Variants in GSK3B observed in about 807,000 individuals in gnomAD.
GSK3B encodes glycogen synthase kinase-3 beta.
In GSK3B, 15 loss-of-function variants were observed where a neutral mutation model predicts 56.4. The ratio of observed to expected loss-of-function variants is 0.27; its 90% CI spans 0.18 to 0.41. GSK3B has a LOEUF of 0.41. Among genes scored for constraint, GSK3B ranks in the 10% least tolerant of loss-of-function variants. GSK3B has a pLI of 1.00. For missense variants in GSK3B, 300 were observed against 513.4 expected (o/e 0.58, Z 4.02); for synonymous variants, 181 against 188.9 (o/e 0.96, Z 0.34).
chr3:119,876,355 T>G, intron 8 of GSK3B, 58 bp downstream of exon 8: 17 of 895,760 alleles, frequency 1.9e-5, no homozygotes, highest in Non-Finnish European at 3.0e-5. Flanking sequence ...TTAAGAACAA[T>G]GAGAAACCTG....
At chr3:120,036,792 CAAAAAAAAAAAA>C (rs560163237) in intron 1 of GSK3B, among the ~76,000 whole-genome samples, 1 of 64,336 alleles carries the variant, frequency 1.6e-5, no homozygotes, top group Non-Finnish European at 3.1e-5. Flanking sequence ...GACTCCGACT[CAAAAAAAAAAAA>C]AAAAAAAAAG....
chr3:119,860,306 G>A (rs2056085169), intron 9 of GSK3B, among the ~76,000 whole-genome samples: 1 of 152,128 alleles, frequency 6.6e-6, no homozygotes, highest in Non-Finnish European at 1.5e-5. Flanking sequence ...CTAATGACAG[G>A]AAGAAATAGA....
intron 1 of GSK3B, among the ~76,000 whole-genome samples, chr3:120,085,631 C>T (rs940948275): frequency 6.6e-6 from 1 of 152,190 alleles, no homozygotes. Flanking sequence ...GAAACCCCAT[C>T]TCTACTACAA....
At chr3:119,949,905 G>C (rs1428816047) in intron 2 of GSK3B, among the ~76,000 whole-genome samples, 1 of 150,036 alleles carries the variant, frequency 6.7e-6, no homozygotes, top group African/African-American at 2.5e-5. Context: ...AACCTATTAA[G>C]TTTTTATCTA....
intron 9 of GSK3B, among the ~76,000 whole-genome samples, chr3:119,852,215 A>T (rs2055939538): frequency 6.6e-6 from 1 of 152,218 alleles, no homozygotes; most frequent in Non-Finnish European, 1.5e-5. Context: ...CTTCCAATTT[A>T]TACCACTCAC....
intron 8 of GSK3B, among the ~76,000 whole-genome samples, chr3:119,870,435 T>A (rs1577328076): frequency 6.6e-6 from 1 of 152,290 alleles, no homozygotes; most frequent in Non-Finnish European, 1.5e-5. Context: ...AAAAATAGAA[T>A]TTTGTCTTCT....
rs980398797 is a variant in GSK3B at position 119,956,919 on chromosome 3, T to C, written c.283-9568A>G. On this transcript the variant is annotated intron_variant, in intron 2 of 10. Transcript: ENST00000264235. ...TCAGGTTTATTCAACTCTGTAGTTG[T>C]AGGGGAAAAGCAGTCAGACAATATT... 2.0e-5 allele frequency among the ~76,000 whole-genome samples: 3 copies of C among 152,320 alleles called. No homozygotes were observed. In the South Asian group the frequency reaches 6.2e-4, roughly 32 times the overall value.
At chr3:120,038,738 T>C (rs2058041830) in intron 1 of GSK3B, among the ~76,000 whole-genome samples, 1 of 151,728 alleles carries the variant, frequency 6.6e-6, no homozygotes, top group South Asian at 2.1e-4. Flanking sequence ...CTATAAAACT[T>C]CTAAAAGATA....
At chr3:119,830,883 T>C (rs781597462) in intron 10 of GSK3B, among the ~76,000 whole-genome samples, 3 of 152,162 alleles carry the variant, frequency 2.0e-5, no homozygotes, top group Non-Finnish European at 4.4e-5. Flanking sequence ...TAGCACAGTA[T>C]CTGGCATACA....
At chr3:120,051,949 C>T (rs1048108882) in intron 1 of GSK3B, among the ~76,000 whole-genome samples, 2 of 152,136 alleles carry the variant, frequency 1.3e-5, no homozygotes, top group Admixed American at 1.3e-4. Context: ...GTTTTTGTGG[C>T]ATTTAAAACC....
intron 3 of GSK3B, among the ~76,000 whole-genome samples, chr3:119,941,382 T>G (rs1324729410): frequency 2.6e-5 from 4 of 152,194 alleles, no homozygotes; most frequent in Non-Finnish European, 4.4e-5. Context: ...TTTTTAATGT[T>G]CTATTTCTAG....
At chr3:120,089,208 G>A (rs2058490665) in intron 1 of GSK3B, among the ~76,000 whole-genome samples, 1 of 152,214 alleles carries the variant, frequency 6.6e-6, no homozygotes, top group Non-Finnish European at 1.5e-5. Context: ...GAATCACTGG[G>A]TTCCCTTGAA....
intron 2 of GSK3B, among the ~76,000 whole-genome samples, chr3:119,987,431 G>C (rs2057526734): frequency 6.6e-6 from 1 of 152,106 alleles, no homozygotes; most frequent in African/African-American, 2.4e-5. Flanking sequence ...AGGATTATAA[G>C]GAGGCATAAG....
rs199722780 is a variant in GSK3B, at chr3:120,093,990, A to T, written c.-556T>A. On this transcript the variant is annotated 5_prime_UTR_variant, in exon 1 of 11. Transcript: ENST00000264235. ...CCGCGGGATCCGGCGGGCTGACGGC[A>T]GGGGCCCGGCGAACTAGAGGGCGGC... 3 of 213,482 alleles carry T rather than the reference A, an allele frequency of 1.4e-5. No homozygotes were observed. Among genetic ancestry groups the T allele is most frequent in the Non-Finnish European group, 2.9e-5 (3 of 104,330 alleles). The allele number at this position is 213,482 out of a possible 1,614,324, so 13.2% of individuals were successfully genotyped here.
At chr3:120,009,995 G>C (rs2057764372) in intron 1 of GSK3B, among the ~76,000 whole-genome samples, 1 of 152,002 alleles carries the variant, frequency 6.6e-6, no homozygotes, top group African/African-American at 2.4e-5. Context: ...ACTCAAACTG[G>C]CATGATTTAA....
chr3:119,871,937 C>A (rs1420825593), intron 8 of GSK3B, among the ~76,000 whole-genome samples: 1 of 152,142 alleles, frequency 6.6e-6, no homozygotes, highest in South Asian at 2.1e-4. Flanking sequence ...TTACTTTATT[C>A]TTTTGTTACT....
chr3:119,865,843 C>T (rs985331351), intron 8 of GSK3B, among the ~76,000 whole-genome samples: 2 of 151,972 alleles, frequency 1.3e-5, no homozygotes, highest in Non-Finnish European at 2.9e-5. Context: ...CATATCGGTA[C>T]TAAGACATTT....
intron 1 of GSK3B, among the ~76,000 whole-genome samples, chr3:120,013,661 G>A (rs60272712): frequency 0.11 from 16,944 of 152,130 alleles, 1,108 homozygotes; most frequent in African/African-American, 0.19. Flanking sequence ...GCATTTTCAT[G>A]ACATTTTCTG....
At chr3:119,893,715 C>A (rs2056529752) in intron 7 of GSK3B, among the ~76,000 whole-genome samples, 3 of 152,118 alleles carry the variant, frequency 2.0e-5, no homozygotes, top group African/African-American at 7.2e-5. Flanking sequence ...TTGATCAGCT[C>A]TCCTTCCCTT....
Sources: gnomAD v4.1 joint callset for allele counts (sites outside exome capture counted in the v4.1 genomes callset) on GRCh38, gnomAD v4.1.1 for gene constraint, MANE v1.5 for transcripts, NCBI Gene and HGNC (gene_info 2026-07-23, HGNC 2026-07-21) for gene names.